Variants in GBF1 observed in about 807,000 individuals in gnomAD.
GBF1 encodes Golgi-specific brefeldin A-resistance guanine nucleotide exchange factor 1.
Under a neutral mutation model 210.5 loss-of-function variants are expected in GBF1, and 114 were observed. That is an observed-to-expected ratio of 0.54 (90% CI 0.47 to 0.63). The LOEUF (loss-of-function observed/expected upper bound fraction) is 0.63. Ranked by LOEUF, GBF1 falls within the 30% of genes least tolerant of loss-of-function variation. The pLI, the probability that GBF1 is intolerant of heterozygous loss-of-function variation, is 0.00. For synonymous variants in GBF1, 850 were observed against 889.2 expected, an observed-to-expected ratio of 0.96 and a Z score of 0.78; for missense variants, 1,851 against 2,357.7, an observed-to-expected ratio of 0.79 and a Z score of 4.45.
At chr10:102,334,848 CAAAAA>C (rs200899049) in intron 3 of GBF1, among the ~76,000 whole-genome samples, 1 of 92,932 alleles carries the variant, frequency 1.1e-5, no homozygotes, top group Non-Finnish European at 2.3e-5. Flanking sequence ...GACTTCGTCT[CAAAAA>C]AAAAAAAAAA....
upstream of GBF1, among the ~76,000 whole-genome samples, chr10:102,243,900 C>A (rs1043860303): frequency 6.6e-6 from 1 of 152,072 alleles, no homozygotes; most frequent in East Asian, 1.9e-4. Context: ...GAGGCTGAGG[C>A]GGGTGGATCA....
chr10:102,348,021 C>G (rs1285171410), intron 4 of GBF1, among the ~76,000 whole-genome samples: 2 of 152,166 alleles, frequency 1.3e-5, no homozygotes, highest in East Asian at 3.8e-4. Flanking sequence ...ACTGCAACCT[C>G]CATTTCCTGA....
chr10:102,381,823 GA>G (rs386372282), intron 39 of GBF1, among the ~76,000 whole-genome samples: 151 of 19,116 alleles, frequency 7.9e-3, no homozygotes, highest in African/African-American at 0.017. Flanking sequence ...ACCCTGTCGC[GA>G]AAAAAAAAAA....
intron 3 of GBF1, among the ~76,000 whole-genome samples, chr10:102,331,244 C>G (rs578002776): frequency 6.6e-6 from 1 of 152,242 alleles, no homozygotes; most frequent in South Asian, 2.1e-4. Flanking sequence ...TCATGGTCAT[C>G]TTGAACCTTT....
rs1383666576 is a variant in GBF1 at position 102,358,409 on chromosome 10, A to T, written c.788-97A>T. ...GAGACCAATATATGCAAAGATAAGCATGTAATCTGGGAAACAGAGACCCTA... is the reference window on the plus strand; with the variant it reads ...GAGACCAATATATGCAAAGATAAGCTTGTAATCTGGGAAACAGAGACCCTA... On this transcript the variant is annotated intron_variant, in intron 9 of 39. Coordinates refer to ENST00000369983, the MANE Select transcript of GBF1 (RefSeq NM_001377137.1). The T allele has an allele frequency of 5.7e-6, 5 of 882,928 alleles. No individual in the cohort carries two copies. In the East Asian group the frequency reaches 1.2e-4, roughly 21 times the overall value. 54.7% of individuals were successfully genotyped at this position (882,928 alleles called of 1,614,324 possible).
At position 102,362,471 on chromosome 10, in the gene GBF1, C is replaced by G; in HGVS notation, c.1687-4C>G. On this transcript the variant is annotated splice_polypyrimidine_tract_variant and splice_region_variant and intron_variant, in intron 14 of 39. Coordinates refer to ENST00000369983, the MANE Select transcript of GBF1 (RefSeq NM_001377137.1). ...CAAGTCCAATTGATCTGTTTACTTT[C>G]CAGAATGCCTTCCCTGTGTCTGGTC... 1 of 1,598,680 alleles carries G rather than the reference C, an allele frequency of 6.3e-7. No homozygotes were observed. Among genetic ancestry groups the G allele is most frequent in the East Asian group, 2.2e-5 (1 of 44,730 alleles).
intron 3 of GBF1, among the ~76,000 whole-genome samples, chr10:102,309,247 A>G (rs546546584): frequency 9.8e-5 from 15 of 152,354 alleles, no homozygotes; most frequent in African/African-American, 3.6e-4. Flanking sequence ...AGCAGGAATC[A>G]AACTCATGTC....
intron 4 of GBF1, among the ~76,000 whole-genome samples, chr10:102,347,820 T>C (rs1476853005): frequency 6.6e-6 from 1 of 152,220 alleles, no homozygotes; most frequent in Non-Finnish European, 1.5e-5. Context: ...AGCCTTTTGT[T>C]TGGCCCCATA....
chr10:102,256,189 C>T (rs1284318729), intron 1 of GBF1, among the ~76,000 whole-genome samples: 1 of 152,148 alleles, frequency 6.6e-6, no homozygotes, highest in African/African-American at 2.4e-5. Flanking sequence ...AAATGATCTG[C>T]CCACCTCAGC....
At chr10:102,263,210 GAAAC>G (rs1429855229) in intron 3 of GBF1, among the ~76,000 whole-genome samples, 2 of 152,186 alleles carry the variant, frequency 1.3e-5, no homozygotes, top group East Asian at 3.8e-4. Flanking sequence ...TTCTTTTACG[GAAAC>G]AAACAGATTT....
chr10:102,347,536 A>G (rs1465818052), intron 4 of GBF1, among the ~76,000 whole-genome samples: 1 of 152,156 alleles, frequency 6.6e-6, no homozygotes, highest in Non-Finnish European at 1.5e-5. Flanking sequence ...TGGAGACCTC[A>G]GGCCACCTGG....
chr10:102,337,336 C>T (rs2057832017), intron 3 of GBF1, among the ~76,000 whole-genome samples: 1 of 142,136 alleles, frequency 7.0e-6, no homozygotes, highest in Non-Finnish European at 1.5e-5. Context: ...CGCCACTGCA[C>T]TCCAGCCTGG....
intron 33 of GBF1, 141 bp downstream of exon 33, chr10:102,377,281 T>G (rs1384463602): frequency 1.6e-6 from 1 of 607,216 alleles, no homozygotes; most frequent in Non-Finnish European, 2.9e-6. Context: ...CAATATTCCC[T>G]TACCCAAAAC....
intron 3 of GBF1, among the ~76,000 whole-genome samples, chr10:102,297,206 A>G (rs1346787033): frequency 6.6e-6 from 1 of 152,194 alleles, no homozygotes; most frequent in Non-Finnish European, 1.5e-5. Context: ...GGGCTTTAAC[A>G]TTTATTTTTA....
intron 3 of GBF1, among the ~76,000 whole-genome samples, chr10:102,288,691 C>T (rs1016901813): frequency 1.5e-5 from 2 of 137,182 alleles, no homozygotes; most frequent in Non-Finnish European, 3.1e-5. Flanking sequence ...GCAGTCCGGC[C>T]TGGGCGACAG....
intron 4 of GBF1, among the ~76,000 whole-genome samples, chr10:102,347,686 C>G (rs1312590694): frequency 6.6e-6 from 1 of 152,128 alleles, no homozygotes; most frequent in East Asian, 1.9e-4. Flanking sequence ...GAAGTTGGTT[C>G]CAGAGTAGCC....
At chr10:102,341,024 C>G (rs1373397640) in intron 3 of GBF1, among the ~76,000 whole-genome samples, 1 of 152,102 alleles carries the variant, frequency 6.6e-6, no homozygotes, top group Non-Finnish European at 1.5e-5. Context: ...AAAAAATAAG[C>G]TTAAGACTGG....
intron 3 of GBF1, among the ~76,000 whole-genome samples, chr10:102,328,482 C>G (rs1403090665): frequency 2.0e-5 from 3 of 152,024 alleles, no homozygotes; most frequent in Admixed American, 6.6e-5. Context: ...GTGAAACCCT[C>G]TCTCAAAAAA....
At chr10:102,235,179 A>ACCCCCCCCCCCCCCCCCCCCC in the GBF1 span, among the ~76,000 whole-genome samples, 1 of 97,374 alleles carries the variant, frequency 1.0e-5, no homozygotes, top group Non-Finnish European at 2.0e-5. Flanking sequence ...CCCACCCCCC[A>ACCCCCCCCCCCCCCCCCCCCC]CCCCCCCACC....
Sources: gnomAD v4.1 joint callset for allele counts (sites outside exome capture counted in the v4.1 genomes callset) on GRCh38, gnomAD v4.1.1 for gene constraint, MANE v1.5 for transcripts, NCBI Gene and HGNC (gene_info 2026-07-23, HGNC 2026-07-21) for gene names.